HMBOX1: variants seen among roughly 807,000 people sequenced by gnomAD.
HMBOX1 encodes the protein homeobox containing 1, also known as homeobox-containing protein 1.
HMBOX1 carries 14 observed loss-of-function variants against 54.5 expected under a neutral mutation model. The observed-to-expected ratio is 0.26, with a 90% CI of 0.17 to 0.40. The LOEUF (loss-of-function observed/expected upper bound fraction) is 0.40, where lower values mean the gene tolerates loss of function less well. Ranked by LOEUF, HMBOX1 falls within the 10% of genes least tolerant of loss-of-function variation. The pLI is 1.00. For synonymous variants in HMBOX1, 160 were observed against 181.0 expected, an observed-to-expected ratio of 0.88 and a Z score of 0.93; for missense variants, 332 against 514.4, an observed-to-expected ratio of 0.65 and a Z score of 3.43.
intron 2 of HMBOX1, 150 bp from the exon 3 acceptor site, chr8:28,969,893 C>A (rs576033173): frequency 3.6e-5 from 22 of 615,210 alleles, no homozygotes; most frequent in Non-Finnish European, 6.3e-5. Flanking sequence ...AATCCATTTG[C>A]CATGGCACAA....
intron 3 of HMBOX1, among the ~76,000 whole-genome samples, chr8:28,977,850 A>G (rs1487303390): frequency 2.0e-5 from 3 of 151,876 alleles, no homozygotes; most frequent in Non-Finnish European, 2.9e-5. Flanking sequence ...AGGCTGAGGC[A>G]GGAGAATGAC....
chr8:28,936,862 G>A (rs1406132117), intron 1 of HMBOX1, among the ~76,000 whole-genome samples: 1 of 150,424 alleles, frequency 6.6e-6, no homozygotes, highest in Non-Finnish European at 1.5e-5. Flanking sequence ...GGTTTTGGGG[G>A]CAAGAAAGAT....
intron 6 of HMBOX1, among the ~76,000 whole-genome samples, chr8:29,037,634 T>C (rs1481669433): frequency 6.6e-6 from 1 of 152,230 alleles, no homozygotes; most frequent in Non-Finnish European, 1.5e-5. Context: ...TGTAGTTTTA[T>C]ACTTTCTCAC....
chr8:29,009,265 G>C, intron 5 of HMBOX1, 83 bp downstream of exon 5: 1 of 1,216,918 alleles, frequency 8.2e-7, no homozygotes, highest in Non-Finnish European at 1.2e-6. Flanking sequence ...GTGCTAACTT[G>C]TTCAGTAAGA....
At chr8:28,898,146 C>T (rs746124063) in intron 1 of HMBOX1, among the ~76,000 whole-genome samples, 22 of 150,244 alleles carry the variant, frequency 1.5e-4, no homozygotes, top group Non-Finnish European at 3.1e-4. Context: ...AAAATATTTT[C>T]AAATGTATTA....
intron 1 of HMBOX1, among the ~76,000 whole-genome samples, chr8:28,959,572 T>TATA: frequency 6.6e-6 from 1 of 152,370 alleles, no homozygotes; most frequent in Non-Finnish European, 1.5e-5. Context: ...TCCTACACTC[T>TATA]ATAGTCTAAT....
chr8:28,929,899 C>G (rs1253483952), intron 1 of HMBOX1, among the ~76,000 whole-genome samples: 3 of 152,052 alleles, frequency 2.0e-5, no homozygotes, highest in East Asian at 1.9e-4. Context: ...GCCATTGCCT[C>G]TAATTTCAGA....
chr8:28,995,938 T>TA (rs937134553), intron 4 of HMBOX1, among the ~76,000 whole-genome samples: 11 of 150,588 alleles, frequency 7.3e-5, no homozygotes, highest in South Asian at 4.2e-4. Flanking sequence ...CCGTCTCTAC[T>TA]AAAAAAAAAT....
intron 1 of HMBOX1, among the ~76,000 whole-genome samples, chr8:28,938,587 C>T (rs956593798): frequency 2.6e-5 from 4 of 151,738 alleles, no homozygotes; most frequent in Admixed American, 6.6e-5. Context: ...GCTAGGATTA[C>T]AGGCGCACAC....
At chr8:28,902,592 G>C (rs993129030) in intron 1 of HMBOX1, among the ~76,000 whole-genome samples, 13 of 152,166 alleles carry the variant, frequency 8.5e-5, no homozygotes, top group Admixed American at 2.6e-4. Flanking sequence ...CCCTGTCTCT[G>C]TGTGGTCTCT....
chr8:29,006,559 A>G (rs1833485894), intron 4 of HMBOX1, among the ~76,000 whole-genome samples: 1 of 152,192 alleles, frequency 6.6e-6, no homozygotes, highest in South Asian at 2.1e-4. Flanking sequence ...TAGCCTTGCC[A>G]GCACTTGATA....
intron 1 of HMBOX1, among the ~76,000 whole-genome samples, chr8:28,926,514 G>A (rs1420196619): frequency 6.6e-6 from 1 of 152,068 alleles, no homozygotes; most frequent in Non-Finnish European, 1.5e-5. Context: ...ACTTTAATCT[G>A]TAATTGACTG....
intron 1 of HMBOX1, among the ~76,000 whole-genome samples, chr8:28,896,251 A>G (rs1219825426): frequency 1.3e-5 from 2 of 152,228 alleles, no homozygotes; most frequent in East Asian, 3.8e-4. Flanking sequence ...CTGCAAAAAT[A>G]GAGAGGGCAC....
At chr8:29,002,222 G>A (rs868312223) in intron 4 of HMBOX1, among the ~76,000 whole-genome samples, 1 of 152,186 alleles carries the variant, frequency 6.6e-6, no homozygotes, top group Admixed American at 6.5e-5. Flanking sequence ...TCTCTGTCAC[G>A]TGGATCTCTC....
intron 4 of HMBOX1, among the ~76,000 whole-genome samples, chr8:29,007,086 C>T (rs982466816): frequency 6.6e-5 from 10 of 151,458 alleles, no homozygotes; most frequent in Non-Finnish European, 7.4e-5. Context: ...GTCAGGAGTT[C>T]GAGACCAGCC....
In HMBOX1 at chr8:29,021,293, G is replaced by C. The variant is rs534771668; in HGVS notation, c.851+2380G>C. On this transcript the variant is annotated intron_variant, in intron 6 of 9. Transcript: ENST00000287701. Reference sequence around the variant, plus strand: ...TAAATAATAGAAGAAAACATGAGTGGTCCCTTCATATCCTGGCAATGGGAA... The same window carrying C: ...TAAATAATAGAAGAAAACATGAGTGCTCCCTTCATATCCTGGCAATGGGAA... Among the ~76,000 whole-genome samples, 10 of 152,168 alleles carry C rather than the reference G, an allele frequency of 6.6e-5. No individual in the cohort carries two copies. The South Asian group carries it at 2.1e-3, about 32-fold the overall frequency.
At chr8:28,906,118 A>G (rs1294072516) in intron 1 of HMBOX1, among the ~76,000 whole-genome samples, 1 of 152,242 alleles carries the variant, frequency 6.6e-6, no homozygotes, top group African/African-American at 2.4e-5. Flanking sequence ...CTAGTAACCA[A>G]CACCCATTGG....
In HMBOX1 at chr8:28,973,731, G is replaced by A. The variant is rs1303732713; in HGVS notation, c.500+3212G>A. ...ACATTCCTCAACTCATACACAAGATGTAGTTTTAAAAATCTTATAATTCGT... is the reference window on the plus strand; with the variant it reads ...ACATTCCTCAACTCATACACAAGATATAGTTTTAAAAATCTTATAATTCGT... On this transcript the variant is annotated intron_variant, in intron 3 of 9. Coordinates refer to ENST00000287701, the MANE Select transcript of HMBOX1 (RefSeq NM_001135726.3). Among the ~76,000 whole-genome samples, 5 of 146,228 alleles carry A rather than the reference G, an allele frequency of 3.4e-5. No individual in the cohort carries two copies. The Admixed American group carries it at 3.4e-4, about 10-fold the overall frequency.
At chr8:28,895,390 A>C (rs1047339929) in intron 1 of HMBOX1, among the ~76,000 whole-genome samples, 1 of 152,190 alleles carries the variant, frequency 6.6e-6, no homozygotes, top group Non-Finnish European at 1.5e-5. Context: ...TTTTGATAAT[A>C]TAGGCCAGGC....
Sources: gnomAD v4.1 joint callset for allele counts (sites outside exome capture counted in the v4.1 genomes callset) on GRCh38, gnomAD v4.1.1 for gene constraint, MANE v1.5 for transcripts, NCBI Gene and HGNC (gene_info 2026-07-23, HGNC 2026-07-21) for gene names.